KIFAP3: variants seen among roughly 807,000 people sequenced by gnomAD.
KIFAP3 encodes the protein kinesin associated protein 3, also known as kinesin-associated protein 3.
A neutral mutation model predicts 106.5 loss-of-function variants in KIFAP3; 68 were observed. The ratio of observed to expected loss-of-function variants is 0.64; its 90% CI spans 0.53 to 0.78. The LOEUF (loss-of-function observed/expected upper bound fraction) is 0.78, where lower values mean the gene tolerates loss of function less well. Among genes scored for constraint, KIFAP3 ranks in the 30% least tolerant of loss-of-function variants. KIFAP3 has a pLI of 0.00. For missense variants in KIFAP3, 780 were observed against 941.8 expected, an observed-to-expected ratio of 0.83 and a Z score of 2.25; for synonymous variants, 320 against 311.5, an observed-to-expected ratio of 1.03 and a Z score of -0.29.
chr1:170,038,233 TATAA>T (rs1327196690), intron 5 of KIFAP3, 53 bp downstream of exon 5: 1 of 1,330,982 alleles, frequency 7.5e-7, no homozygotes, highest in East Asian at 2.6e-5. Flanking sequence ...TTAAGTTTTG[TATAA>T]ATAACTGTAA....
intron 19 of KIFAP3, among the ~76,000 whole-genome samples, chr1:169,923,995 T>TC (rs1437058202): frequency 6.6e-6 from 1 of 151,600 alleles, no homozygotes; most frequent in Non-Finnish European, 1.5e-5. Context: ...CTCCCCCTTT[T>TC]TTTTATTTCT....
intron 10 of KIFAP3, among the ~76,000 whole-genome samples, chr1:170,009,731 A>G (rs1668150588): frequency 2.0e-5 from 3 of 152,148 alleles, no homozygotes; most frequent in Admixed American, 6.6e-5. Flanking sequence ...ATACACTATG[A>G]CAAGGAATTT....
intron 16 of KIFAP3, among the ~76,000 whole-genome samples, chr1:169,977,549 G>T (rs1666287932): frequency 6.6e-6 from 1 of 152,128 alleles, no homozygotes. Context: ...TTAGTAAGTA[G>T]CAAAAGGTAA....
At chr1:170,048,708 G>A (rs1670407337) in intron 2 of KIFAP3, among the ~76,000 whole-genome samples, 1 of 151,614 alleles carries the variant, frequency 6.6e-6, no homozygotes, top group Non-Finnish European at 1.5e-5. Flanking sequence ...CGGGGTGGCG[G>A]GGGCGTCGCT....
At chr1:169,983,465 A>T in intron 12 of KIFAP3, 83 bp from the exon 13 acceptor site, 1 of 815,946 alleles carries the variant, frequency 1.2e-6, no homozygotes, top group Non-Finnish European at 2.0e-6. Flanking sequence ...AAGCCACAAC[A>T]ATTTACATCT....
At chr1:169,981,062 T>C (rs113299887) in intron 15 of KIFAP3, among the ~76,000 whole-genome samples, 13,449 of 152,038 alleles carry the variant, frequency 0.088, 1,557 homozygotes, top group African/African-American at 0.27. Flanking sequence ...GATCATGCCA[T>C]TGCACTCCAG....
chr1:169,994,342 G>A (rs1410500267), intron 10 of KIFAP3, among the ~76,000 whole-genome samples: 1 of 152,114 alleles, frequency 6.6e-6, no homozygotes, highest in Non-Finnish European at 1.5e-5. Flanking sequence ...GATGCCTTTG[G>A]TATTCAACAT....
intron 10 of KIFAP3, among the ~76,000 whole-genome samples, chr1:170,002,674 C>G (rs773424864): frequency 1.3e-5 from 2 of 152,164 alleles, no homozygotes; most frequent in Non-Finnish European, 2.9e-5. Context: ...CAGGGTGGCT[C>G]TGCTGATTAA....
intron 19 of KIFAP3, among the ~76,000 whole-genome samples, chr1:169,949,176 T>C (rs1571544413): frequency 6.6e-6 from 1 of 151,824 alleles, no homozygotes; most frequent in Non-Finnish European, 1.5e-5. Context: ...AGAAGGCATA[T>C]GTATATGTAA....
intron 11 of KIFAP3, 135 bp from the exon 12 acceptor site, chr1:169,984,825 T>C (rs1455956605): frequency 3.7e-6 from 2 of 538,322 alleles, no homozygotes; most frequent in Admixed American, 6.8e-5. Context: ...TTTCAACACA[T>C]AAAACTGGCA....
intron 11 of KIFAP3, among the ~76,000 whole-genome samples, chr1:169,986,864 T>A (rs1193497326): frequency 6.6e-6 from 1 of 152,042 alleles, no homozygotes; most frequent in African/African-American, 2.4e-5. Context: ...CAGGTCATTA[T>A]TTTAGAAGGT....
At chr1:170,060,617 A>C (rs1216637544) in intron 1 of KIFAP3, among the ~76,000 whole-genome samples, 1 of 152,212 alleles carries the variant, frequency 6.6e-6, no homozygotes, top group Non-Finnish European at 1.5e-5. Context: ...TGACATCCCC[A>C]TCAAGCTATC....
intron 1 of KIFAP3, among the ~76,000 whole-genome samples, chr1:170,084,380 G>A (rs1189582228): frequency 6.6e-6 from 1 of 152,202 alleles, no homozygotes; most frequent in Admixed American, 6.5e-5. Flanking sequence ...TGCATGGCAC[G>A]TAGTACTAAC....
chr1:169,945,070 C>A (rs1325232895), intron 19 of KIFAP3, among the ~76,000 whole-genome samples: 1 of 152,142 alleles, frequency 6.6e-6, no homozygotes, highest in African/African-American at 2.4e-5. Context: ...TACTAAGCCA[C>A]CTTCAGCACC....
At position 169,992,232 on chromosome 1, in the gene KIFAP3, C is replaced by T; in HGVS notation, c.1207G>A (p.Ala403Thr). ...CTTATGTGGTAAAGAACACACATTG[C>T]TATTTGTTTGTAGTTGTCATTGCCT... ...LLGNDNYKQI[A>T]MCVLYHISMD... The change falls in exon 11 of 20, where the codon GCA becomes ACA. Residue 403 changes from alanine (A) to threonine (T), a missense_variant. This residue lies in a region of KIFAP3 where 588 missense variants were observed against 678.9 expected (regional missense o/e 0.87). Coordinates refer to ENST00000361580, the MANE Select transcript of KIFAP3 (RefSeq NM_014970.4). 6.3e-7 allele frequency: 1 copy of T among 1,577,098 alleles called. No homozygotes were observed. The highest frequency in any genetic ancestry group is 1.4e-5 in the African/African-American group (1 of 73,036).
At chr1:169,923,008 T>C (rs1179987473) in intron 19 of KIFAP3, 1 of 689,624 alleles carries the variant, frequency 1.5e-6, no homozygotes, top group African/African-American at 1.9e-5. Flanking sequence ...CGTGCTTGTG[T>C]GTATTAAGAT....
At chr1:170,005,101 GA>G (rs1446204045) in intron 10 of KIFAP3, among the ~76,000 whole-genome samples, 1 of 151,658 alleles carries the variant, frequency 6.6e-6, no homozygotes, top group Non-Finnish European at 1.5e-5. Flanking sequence ...AAAAACACAT[GA>G]AAAAATGCTC....
intron 19 of KIFAP3, among the ~76,000 whole-genome samples, chr1:169,942,969 C>G (rs1027515678): frequency 6.1e-5 from 8 of 130,416 alleles, no homozygotes; most frequent in African/African-American, 2.3e-4. Flanking sequence ...TTGATTGAAA[C>G]CAAGAAGGTA....
In KIFAP3 at chr1:169,972,514, G is replaced by T; in HGVS notation, c.1982C>A (p.Ala661Glu). Residue 661 changes from alanine (A) to glutamate (E), a missense_variant and splice_region_variant, in exon 17 of 20, where the codon GCG becomes GAG. Physicochemically the swap from Ala to Glu is moderately radical, Grantham distance 107. Around this residue, in one of 3 missense-constraint regions of KIFAP3, gnomAD observed 78 missense variants for 140.6 expected, o/e 0.55. Transcript: ENST00000361580. Reference sequence around the variant, plus strand: ...TGTGTAGAAAAAATAATTACTTACCGCTATAATATCTAATGTATTATCACA... The same window carrying T: ...TGTGTAGAAAAAATAATTACTTACCTCTATAATATCTAATGTATTATCACA... Reference protein sequence around the residue: ...KVCDNTLDIIAEYDEEWAKKI... With the variant: ...KVCDNTLDIIEEYDEEWAKKI... The T allele has an allele frequency of 1.5e-6, 2 of 1,343,668 alleles. No individual in the cohort carries two copies. Among genetic ancestry groups the T allele is most frequent in the Non-Finnish European group, 2.1e-6 (2 of 942,550 alleles). The allele number at this position is 1,343,668 out of a possible 1,614,324, so 83.2% of individuals were successfully genotyped here. A position where few individuals can be genotyped will look rare whatever the true frequency, so the allele number is the denominator to read the frequency against.
Sources: gnomAD v4.1 joint callset for allele counts (sites outside exome capture counted in the v4.1 genomes callset) on GRCh38, gnomAD v4.1.1 for gene constraint, gnomAD v4.1.1 regional missense constraint, MANE v1.5 for transcripts, NCBI Gene and HGNC (gene_info 2026-07-23, HGNC 2026-07-21) for gene names.